TIAM1: variants seen among roughly 807,000 people sequenced by gnomAD.
The protein encoded by TIAM1 is rho guanine nucleotide exchange factor TIAM1.
TIAM1 carries 65 observed loss-of-function variants against 163.5 expected under a neutral mutation model. That is an observed-to-expected ratio of 0.40 (90% CI 0.33 to 0.49). The LOEUF is 0.49. Ranked by LOEUF, TIAM1 falls within the 20% of genes least tolerant of loss-of-function variation. The pLI is 0.77. For missense variants in TIAM1, 1,789 were observed against 2,044.7 expected, an observed-to-expected ratio of 0.87 and a Z score of 2.41; for synonymous variants, 833 against 810.1, an observed-to-expected ratio of 1.03 and a Z score of -0.48.
At chr21:31,174,130 C>A (rs2084654077) in intron 15 of TIAM1, among the ~76,000 whole-genome samples, 1 of 152,246 alleles carries the variant, frequency 6.6e-6, no homozygotes, top group Non-Finnish European at 1.5e-5. Context: ...TGTGCAGTTC[C>A]TCTTCCTTTG....
chr21:31,494,773 G>A (rs2046584618), intron 1 of TIAM1, among the ~76,000 whole-genome samples: 1 of 152,152 alleles, frequency 6.6e-6, no homozygotes, highest in Non-Finnish European at 1.5e-5. Context: ...AACCTCGGAG[G>A]CAGAGATTGC....
chr21:31,510,872 A>G (rs2047191199), intron 1 of TIAM1, among the ~76,000 whole-genome samples: 1 of 152,200 alleles, frequency 6.6e-6, no homozygotes, highest in South Asian at 2.1e-4. Context: ...TGCAGATGTA[A>G]TTCATTAAGA....
At chr21:31,550,145 T>TA (rs901389563) in intron 1 of TIAM1, among the ~76,000 whole-genome samples, 17 of 148,102 alleles carry the variant, frequency 1.1e-4, no homozygotes, top group East Asian at 3.9e-4. Context: ...AAAAAGAATT[T>TA]AAAAAAAAAA....
At chr21:31,527,586 C>G (rs2047829637) in intron 1 of TIAM1, among the ~76,000 whole-genome samples, 1 of 152,090 alleles carries the variant, frequency 6.6e-6, no homozygotes, top group Admixed American at 6.6e-5. Context: ...AAATTCACAG[C>G]TGACTCTCCA....
intron 2 of TIAM1, among the ~76,000 whole-genome samples, chr21:31,292,190 T>C (rs1469138516): frequency 3.9e-5 from 6 of 152,208 alleles, no homozygotes; most frequent in Admixed American, 6.5e-5. Flanking sequence ...AGTGAGGCAA[T>C]GTATGTAAAC....
intron 2 of TIAM1, among the ~76,000 whole-genome samples, chr21:31,301,337 C>T (rs1215424233): frequency 6.6e-6 from 1 of 152,178 alleles, no homozygotes; most frequent in African/African-American, 2.4e-5. Flanking sequence ...TTCAATTTCT[C>T]ATTCTTCTCT....
intron 2 of TIAM1, among the ~76,000 whole-genome samples, chr21:31,424,188 G>A (rs372175222): frequency 6.6e-6 from 1 of 152,122 alleles, no homozygotes; most frequent in Non-Finnish European, 1.5e-5. Context: ...ATGCAGATTC[G>A]GTTTTATTTA....
At chr21:31,200,347 A>T (rs1419468094) in intron 12 of TIAM1, among the ~76,000 whole-genome samples, 1 of 152,228 alleles carries the variant, frequency 6.6e-6, no homozygotes, top group African/African-American at 2.4e-5. Flanking sequence ...AGAAAAAAAA[A>T]AAAGTGATAT....
At chr21:31,309,640 C>T (rs2074849109) in intron 2 of TIAM1, among the ~76,000 whole-genome samples, 1 of 152,064 alleles carries the variant, frequency 6.6e-6, no homozygotes, top group Non-Finnish European at 1.5e-5. Flanking sequence ...CATGAGAATG[C>T]TTCACAAATG....
intron 19 of TIAM1, among the ~76,000 whole-genome samples, chr21:31,148,593 T>A (rs533311679): frequency 2.6e-5 from 4 of 152,340 alleles, no homozygotes; most frequent in Admixed American, 1.3e-4. Flanking sequence ...GTGCTAAATG[T>A]AACCCCTCCC....
At chr21:31,404,854 A>C (rs2077221445) in intron 2 of TIAM1, among the ~76,000 whole-genome samples, 3 of 152,194 alleles carry the variant, frequency 2.0e-5, no homozygotes, top group Admixed American at 2.0e-4. Context: ...GTTTAAAAAA[A>C]CACTCATGAC....
intron 16 of TIAM1, among the ~76,000 whole-genome samples, chr21:31,161,888 C>T (rs1040419536): frequency 1.1e-4 from 16 of 152,144 alleles, no homozygotes; most frequent in African/African-American, 3.9e-4. Flanking sequence ...AATATTTAGC[C>T]TTGATCAAGA....
rs143241695 is a variant in TIAM1 at position 31,129,676 on chromosome 21, T to G, written c.4045+537A>C. ...GAATGAGACCCCATCTTTAAAAAAA[T>G]TAAAATCAATGTAAAAAAGAATCAA... On this transcript the variant is annotated intron_variant, in intron 25 of 27. Transcript: ENST00000541036. Among the ~76,000 whole-genome samples the G allele has an allele frequency of 4.5e-3, 692 of 152,240 alleles. 2 individuals are homozygous for G. Among genetic ancestry groups the G allele is most frequent in the African/African-American group, 0.016 (649 of 41,548 alleles).
chr21:31,250,993 T>C (rs992587586), intron 5 of TIAM1, among the ~76,000 whole-genome samples: 2 of 152,234 alleles, frequency 1.3e-5, no homozygotes, highest in Non-Finnish European at 2.9e-5. Flanking sequence ...TTCATAAACA[T>C]GATGGTCTAT....
At position 31,120,050 on chromosome 21, in the gene TIAM1, G is replaced by A; in HGVS notation, c.*318C>T. On this transcript the variant is annotated 3_prime_UTR_variant, in exon 28 of 28. Coordinates refer to ENST00000541036, the MANE Select transcript of TIAM1 (RefSeq NM_001353694.2). This position sits in a 1 kb window ranked among gnomAD's most constrained non-coding sequence, Gnocchi z 4.2. ...ATCTGTTGTACATCCGTTAACTCCT[G>A]GGGTGATTTGCTTTCCAGTGCTATA... 4.0e-6 allele frequency: 1 copy of A among 251,568 alleles called. No individual in the cohort carries two copies. Among genetic ancestry groups the A allele is most frequent in the South Asian group, 1.0e-4 (1 of 9,646 alleles). 15.6% of individuals were successfully genotyped at this position (251,568 alleles called of 1,614,324 possible).
intron 6 of TIAM1, among the ~76,000 whole-genome samples, chr21:31,229,367 C>T (rs1252579694): frequency 6.6e-6 from 1 of 152,088 alleles, no homozygotes; most frequent in African/African-American, 2.4e-5. Context: ...AAAGAACATC[C>T]TTCCAAGGTA....
intron 1 of TIAM1, among the ~76,000 whole-genome samples, chr21:31,555,486 A>T (rs2123335894): frequency 6.6e-6 from 1 of 152,278 alleles, no homozygotes; most frequent in East Asian, 1.9e-4. Context: ...AAATGACTGG[A>T]GATCGTAAAA....
intron 7 of TIAM1, among the ~76,000 whole-genome samples, chr21:31,224,724 A>C (rs2087836561): frequency 6.6e-6 from 1 of 152,178 alleles, no homozygotes; most frequent in African/African-American, 2.4e-5. Context: ...TTTTGCCTCA[A>C]TTTAAAAAAA....
At chr21:31,427,180 T>C (rs2043822547) in intron 2 of TIAM1, among the ~76,000 whole-genome samples, 1 of 152,170 alleles carries the variant, frequency 6.6e-6, no homozygotes, top group South Asian at 2.1e-4. Flanking sequence ...GGCAATATAC[T>C]ATGTCTTTAA....
Sources: allele counts gnomAD v4.1 joint callset (sites outside exome capture counted in the v4.1 genomes callset), GRCh38; gene constraint gnomAD v4.1.1; non-coding constraint Gnocchi (gnomAD v3.1); transcripts MANE v1.5; gene names NCBI Gene and HGNC (gene_info 2026-07-23, HGNC 2026-07-21).